PKHD1: variants seen among roughly 807,000 people sequenced by gnomAD.
PKHD1 encodes PKHD1 ciliary IPT domain containing fibrocystin/polyductin.
In PKHD1, 291 loss-of-function variants were observed where a neutral mutation model predicts 412.0. The observed-to-expected ratio is 0.71, with a 90% CI of 0.64 to 0.78. The LOEUF is 0.78. Ranked by LOEUF, PKHD1 falls within the 30% of genes least tolerant of loss-of-function variation. The probability of loss-of-function intolerance (pLI) is 0.00; values close to 1 mark genes in which losing one functional copy is unlikely to be tolerated. For synonymous variants in PKHD1, 1,777 were observed against 1,821.5 expected (o/e 0.98, Z 0.62); for missense variants, 4,825 against 4,950.7 (o/e 0.97, Z 0.76).
chr6:51,658,645 AC>A, intron 61 of PKHD1, among the ~76,000 whole-genome samples: 1 of 152,248 alleles, frequency 6.6e-6, no homozygotes, highest in East Asian at 1.9e-4. Flanking sequence ...AAATAAATAA[AC>A]AATCAAATGA....
intron 25 of PKHD1, among the ~76,000 whole-genome samples, chr6:52,044,227 T>C (rs926678179): frequency 1.5e-4 from 23 of 152,208 alleles, no homozygotes; most frequent in Non-Finnish European, 2.5e-4. Flanking sequence ...AGAGACTATA[T>C]ATCTTTCCCT....
At chr6:51,848,460 T>A (rs186231849) in intron 49 of PKHD1, among the ~76,000 whole-genome samples, 13 of 152,306 alleles carry the variant, frequency 8.5e-5, no homozygotes, top group Admixed American at 3.9e-4. Flanking sequence ...GGCACCCCTG[T>A]CATTGTTACT....
chr6:51,846,458 G>A (rs988128258), intron 50 of PKHD1, among the ~76,000 whole-genome samples: 1 of 152,150 alleles, frequency 6.6e-6, no homozygotes, highest in African/African-American at 2.4e-5. Context: ...TAACAAAATT[G>A]TCACTCTTGA....
chr6:51,863,691 A>G (rs1481652446), intron 48 of PKHD1, among the ~76,000 whole-genome samples: 1 of 152,160 alleles, frequency 6.6e-6, no homozygotes, highest in Non-Finnish European at 1.5e-5. Context: ...GAAGATTCTT[A>G]AATACTAGAT....
intron 6 of PKHD1, among the ~76,000 whole-genome samples, chr6:52,075,180 C>A (rs1019975443): frequency 2.6e-5 from 4 of 152,154 alleles, no homozygotes; most frequent in Non-Finnish European, 5.9e-5. Context: ...TGTGAAAAAC[C>A]CACATGAGCA....
At chr6:51,799,484 G>A (rs1762583578) in intron 52 of PKHD1, among the ~76,000 whole-genome samples, 1 of 152,126 alleles carries the variant, frequency 6.6e-6, no homozygotes, top group African/African-American at 2.4e-5. Flanking sequence ...TAATTACATG[G>A]AGGTTGACTC....
chr6:51,940,199 C>T (rs945304610), intron 36 of PKHD1, among the ~76,000 whole-genome samples: 4 of 151,544 alleles, frequency 2.6e-5, no homozygotes, highest in Non-Finnish European at 4.4e-5. Context: ...TTACCCAATC[C>T]GCTCCTGACA....
intron 48 of PKHD1, among the ~76,000 whole-genome samples, chr6:51,862,611 G>A (rs1302229227): frequency 1.3e-5 from 2 of 152,144 alleles, no homozygotes; most frequent in Non-Finnish European, 2.9e-5. Context: ...CAGAGGCAGG[G>A]GGTGACTCGT....
chr6:51,836,343 T>C (rs371624679), intron 51 of PKHD1, 61 bp downstream of exon 51: 10 of 1,094,794 alleles, frequency 9.1e-6, no homozygotes, highest in Non-Finnish European at 1.4e-5. Context: ...GTGGAATTTG[T>C]AGAACTACTG....
intron 36 of PKHD1, among the ~76,000 whole-genome samples, chr6:51,956,379 A>G (rs947853826): frequency 6.6e-6 from 1 of 151,898 alleles, no homozygotes. Flanking sequence ...AGCTGGGAAA[A>G]GTGGTATTTA....
chr6:51,938,737 C>T (rs745876473), intron 36 of PKHD1, among the ~76,000 whole-genome samples: 1 of 151,616 alleles, frequency 6.6e-6, no homozygotes, highest in South Asian at 2.1e-4. Context: ...GGAGATCAAT[C>T]CCCTGTCCTC....
intron 60 of PKHD1, among the ~76,000 whole-genome samples, chr6:51,700,058 T>C (rs112019422): frequency 1.7e-4 from 26 of 151,860 alleles, no homozygotes; most frequent in African/African-American, 5.8e-4. Flanking sequence ...CTTGTTTTGA[T>C]CAATTCTAGG....
At chr6:51,722,079 A>G in intron 60 of PKHD1, 1 of 1,612,772 alleles carries the variant, frequency 6.2e-7, no homozygotes, top group Non-Finnish European at 8.5e-7. Flanking sequence ...ATATGTCTCC[A>G]CCCTTCTTTT....
At chr6:51,749,519 CAAT>C (rs1562227752) in intron 57 of PKHD1, among the ~76,000 whole-genome samples, 1 of 152,076 alleles carries the variant, frequency 6.6e-6, no homozygotes, top group Non-Finnish European at 1.5e-5. Flanking sequence ...AATTAATATG[CAAT>C]AATAATGAGG....
At chr6:52,073,944 C>T (rs996931092) in intron 6 of PKHD1, among the ~76,000 whole-genome samples, 6 of 152,260 alleles carry the variant, frequency 3.9e-5, no homozygotes, top group Admixed American at 3.9e-4. Context: ...GCCTTGGGTG[C>T]TCCAGGCTTC....
chr6:51,850,018 T>A (rs1324057711), intron 49 of PKHD1, among the ~76,000 whole-genome samples: 2 of 152,254 alleles, frequency 1.3e-5, no homozygotes, highest in Non-Finnish European at 2.9e-5. Context: ...AGGGTTTTTA[T>A]GGTTTTGAGT....
intron 35 of PKHD1, among the ~76,000 whole-genome samples, chr6:52,009,768 A>G (rs1421649279): frequency 5.9e-5 from 9 of 152,058 alleles, no homozygotes; most frequent in Non-Finnish European, 1.2e-4. Context: ...GACAATTTCA[A>G]AATGGGTGAA....
intron 45 of PKHD1, 117 bp from the exon 46 acceptor site, chr6:51,883,344 AC>A (rs1777682272): frequency 2.1e-6 from 2 of 939,660 alleles, no homozygotes; most frequent in Non-Finnish European, 3.4e-6. Context: ...GTATTAAAGC[AC>A]CTTTTGTCCA....
Position 52,048,624 on chromosome 6 carries a change from G to A in PKHD1, c.2280-5C>T, listed in dbSNP as rs755922714. On this transcript the variant is annotated splice_region_variant and splice_polypyrimidine_tract_variant and intron_variant, in intron 22 of 66. Transcript: ENST00000371117. ...GTTCCTTCAGTGGGCACAGAGCTGT[G>A]GCACGTCAGAAACAAAGTATTAACG... The A allele has an allele frequency of 7.4e-6, 12 of 1,613,934 alleles. No individual in the cohort carries two copies. Among genetic ancestry groups the A allele is most frequent in the Non-Finnish European group, 9.3e-6 (11 of 1,179,990 alleles).
Sources: allele counts gnomAD v4.1 joint callset (sites outside exome capture counted in the v4.1 genomes callset), GRCh38; gene constraint gnomAD v4.1.1; transcripts MANE v1.5; gene names NCBI Gene and HGNC (gene_info 2026-07-23, HGNC 2026-07-21).